GON4L: variants seen among roughly 807,000 people sequenced by gnomAD.
The protein encoded by GON4L is GON-4-like protein.
Under a neutral mutation model 211.8 loss-of-function variants are expected in GON4L, and 87 were observed. That is an observed-to-expected ratio of 0.41 (90% CI 0.35 to 0.49). The LOEUF is 0.49. Ranked by LOEUF, GON4L falls within the 20% of genes least tolerant of loss-of-function variation. The pLI is 0.15. For missense variants in GON4L, 2,155 were observed against 2,659.5 expected (o/e 0.81, Z 4.17); for synonymous variants, 875 against 962.6 (o/e 0.91, Z 1.68).
At chr1:155,774,380 C>T (rs1201517228) in intron 17 of GON4L, among the ~76,000 whole-genome samples, 1 of 148,084 alleles carries the variant, frequency 6.8e-6, no homozygotes, top group East Asian at 2.0e-4. Context: ...GCTATCTTGG[C>T]TCACTGCAAA....
rs764256942 is a variant in GON4L, at chr1:155,827,038, T to G, written c.506-10A>C. On this transcript the variant is annotated splice_polypyrimidine_tract_variant and intron_variant, in intron 2 of 31. Coordinates refer to ENST00000368331, the MANE Select transcript of GON4L (RefSeq NM_001282860.2). ...TTCATTTGAGGTTTCCCTGGAAGAA[T>G]CACAAATATTGCTCCACACTTTGAC... 32 of 1,587,164 alleles carry G rather than the reference T, an allele frequency of 2.0e-5. No individual in the cohort carries two copies. Among genetic ancestry groups the G allele is most frequent in the Non-Finnish European group, 2.6e-5 (30 of 1,155,502 alleles).
rs769311812 is a variant in GON4L at position 155,775,031 on chromosome 1, C to T, written c.2321G>A (p.Cys774Tyr). The T allele has an allele frequency of 3.7e-6, 6 of 1,612,912 alleles. No individual in the cohort carries two copies. In the East Asian group the frequency reaches 8.9e-5, roughly 24 times the overall value. Residue 774 changes from cysteine to tyrosine, a missense_variant, in exon 17 of 32, where the codon TGC becomes TAC. By Grantham distance (194) the Cys-to-Tyr change is radical. Coordinates refer to ENST00000368331, the MANE Select transcript of GON4L (RefSeq NM_001282860.2). ...EDFSTHVSIDCSPHKTVKKTA... is the reference protein window; with the variant it reads ...EDFSTHVSIDYSPHKTVKKTA... ...CTTCTTGACAGTTTTATGAGGGCTG[C>T]AGTCAATGCTGACATGTGTGCTGAA... is the stretch of plus-strand genomic sequence containing the variant.
Position 155,773,101 on chromosome 1 carries a change from G to A in GON4L, c.2460C>T (p.Pro820=), listed in dbSNP as rs1663379975. Residue 820 remains proline (P), a synonymous_variant, in exon 18 of 32, where the codon CCC becomes CCT. Transcript: ENST00000368331. ...CCTTGGTGAAGACGATCTTATCCTG[G>A]GGATTCTTTGCCTTCAGGGAACACA... ...LPVCSLKAKN[P]QDKIVFTKAE... The A allele has an allele frequency of 1.9e-6, 3 of 1,612,698 alleles. No individual in the cohort carries two copies. The highest frequency in any genetic ancestry group is 8.5e-7 in the Non-Finnish European group (1 of 1,179,906).
At chr1:155,849,039 T>C (rs933099911) in intron 2 of GON4L, among the ~76,000 whole-genome samples, 1 of 151,428 alleles carries the variant, frequency 6.6e-6, no homozygotes, top group Non-Finnish European at 1.5e-5. Flanking sequence ...TCCCAGCTAC[T>C]TGGGAGGCTG....
intron 2 of GON4L, 97 bp downstream of exon 2, chr1:155,853,179 T>C (rs892238386): frequency 9.3e-7 from 1 of 1,076,676 alleles, no homozygotes; most frequent in Admixed American, 1.7e-5. Flanking sequence ...CAAATCAATA[T>C]CCCCTTTCAG....
chr1:155,852,281 A>G (rs192271052), intron 2 of GON4L, among the ~76,000 whole-genome samples: 21 of 151,542 alleles, frequency 1.4e-4, no homozygotes, highest in African/African-American at 4.8e-4. Flanking sequence ...TGCCCATACC[A>G]CTTTCTGTTA....
chr1:155,847,047 T>C (rs1671314422), intron 2 of GON4L, among the ~76,000 whole-genome samples: 1 of 152,194 alleles, frequency 6.6e-6, no homozygotes, highest in Non-Finnish European at 1.5e-5. Flanking sequence ...TTTCCCCATC[T>C]TGAAAGACTC....
intron 2 of GON4L, among the ~76,000 whole-genome samples, chr1:155,839,536 A>G (rs1043267069): frequency 1.3e-5 from 2 of 152,054 alleles, no homozygotes; most frequent in Non-Finnish European, 1.5e-5. Context: ...TGTTAATTCC[A>G]GCTACTTTTG....
Position 155,765,347 on chromosome 1 carries a change from C to T in GON4L, c.4126G>A (p.Val1376Ile), listed in dbSNP as rs375823394. The part of the protein sequence containing the change: ...SSAGEVTKQT[V>I]LQKEEERSQP... ...CTCCTCTCCTCTTCCTTCTGTAAGA[C>T]TGTCTGTTTCGTTACTTCTCCAGCA... is the stretch of plus-strand genomic sequence containing the variant. Residue 1376 changes from valine to isoleucine, a missense_variant, in exon 21 of 32, where the codon GTC (valine) becomes ATC (isoleucine). Val to Ile is a conservative substitution (Grantham distance 29, BLOSUM62 3). Around this residue, in one of 6 missense-constraint regions of GON4L, gnomAD observed 615 missense variants for 625.7 expected, o/e 0.98. Transcript: ENST00000368331. 1.3e-5 allele frequency: 21 copies of T among 1,614,080 alleles called. No homozygotes were observed. The highest frequency in any genetic ancestry group is 1.7e-5 in the Non-Finnish European group (20 of 1,180,020).
intron 11 of GON4L, among the ~76,000 whole-genome samples, chr1:155,796,438 C>T (rs533050956): frequency 3.9e-4 from 59 of 151,950 alleles, no homozygotes; most frequent in African/African-American, 1.3e-3. Context: ...CCACCACGCC[C>T]GGCTAATTTT....
chr1:155,792,368 C>A (rs770109542), intron 12 of GON4L, among the ~76,000 whole-genome samples: 9 of 152,196 alleles, frequency 5.9e-5, no homozygotes, highest in Non-Finnish European at 1.0e-4. Context: ...CCAGCTTTCA[C>A]TATCATTACA....
intron 20 of GON4L, chr1:155,767,125 G>C: frequency 4.5e-6 from 3 of 665,776 alleles, no homozygotes; most frequent in Non-Finnish European, 7.6e-6. Flanking sequence ...CAGTCTCAAG[G>C]CATCTTTCCA....
chr1:155,750,818 C>G (rs973285041), intron 31 of GON4L, 85 bp from the exon 32 acceptor site: 2 of 1,326,902 alleles, frequency 1.5e-6, no homozygotes, highest in African/African-American at 2.9e-5. Flanking sequence ...GACTGGAGTG[C>G]AGTGGCACTG....
At chr1:155,833,706 G>A (rs1670014131) in intron 2 of GON4L, among the ~76,000 whole-genome samples, 1 of 122,970 alleles carries the variant, frequency 8.1e-6, no homozygotes, top group Non-Finnish European at 1.7e-5. Context: ...GAGGGAAGGG[G>A]ATAAGAGGGA....
rs1320129344 is a variant in GON4L at position 155,752,596 on chromosome 1, G to A, written c.5843-6C>T. ...GCTCCCCACTGCCAATCCTGCTTAG[G>A]AGGAAAATAAGGATCTCAGGGTACT... On this transcript the variant is annotated splice_region_variant and splice_polypyrimidine_tract_variant and intron_variant, in intron 29 of 31. Transcript: ENST00000368331. 5.7e-6 allele frequency: 9 copies of A among 1,575,114 alleles called. No homozygotes were observed. Among genetic ancestry groups the A allele is most frequent in the Non-Finnish European group, 7.8e-6 (9 of 1,160,042 alleles).
chr1:155,758,401 G>C (rs1661412552), intron 24 of GON4L, among the ~76,000 whole-genome samples: 1 of 152,214 alleles, frequency 6.6e-6, no homozygotes, highest in African/African-American at 2.4e-5. Flanking sequence ...TCCCATGTTG[G>C]GAGGCCAAGG....
chr1:155,798,686 A>T (rs708607), intron 11 of GON4L, among the ~76,000 whole-genome samples: 140,883 of 150,390 alleles, frequency 0.94, 66,716 homozygotes, highest in East Asian at 1. Flanking sequence ...CCCAAAGCGC[A>T]GGGATTAGAA....
chr1:155,759,371 AG>A (rs1302570680), intron 24 of GON4L, among the ~76,000 whole-genome samples: 1 of 152,136 alleles, frequency 6.6e-6, no homozygotes, highest in Non-Finnish European at 1.5e-5. Flanking sequence ...CTGGAGTTCG[AG>A]ACCAGCCTGA....
At chr1:155,760,920 C>T (rs561384596) in intron 23 of GON4L, among the ~76,000 whole-genome samples, 4 of 152,280 alleles carry the variant, frequency 2.6e-5, no homozygotes, top group African/African-American at 4.8e-5. Flanking sequence ...GGTCACAGCC[C>T]TAACCTTTCC....
Sources: allele counts gnomAD v4.1 joint callset (sites outside exome capture counted in the v4.1 genomes callset), GRCh38; gene constraint gnomAD v4.1.1; regional missense constraint gnomAD v4.1.1; transcripts MANE v1.5; gene names NCBI Gene and HGNC (gene_info 2026-07-23, HGNC 2026-07-21).